Variants in PARN observed in about 807,000 individuals in gnomAD.
PARN encodes poly(A)-specific ribonuclease.
In PARN, 71 loss-of-function variants were observed where a neutral mutation model predicts 102.8. That is an observed-to-expected ratio of 0.69 (90% CI 0.57 to 0.84). The LOEUF is 0.84. Ranked by LOEUF, PARN falls within the 40% of genes least tolerant of loss-of-function variation. The pLI, the probability that PARN is intolerant of heterozygous loss-of-function variation, is 0.00. For missense variants in PARN, 782 were observed against 760.9 expected (o/e 1.03, Z -0.33); for synonymous variants, 261 against 252.9 (o/e 1.03, Z -0.30).
intron 21 of PARN, among the ~76,000 whole-genome samples, chr16:14,514,478 G>A (rs1031053221): frequency 2.0e-5 from 3 of 152,122 alleles, no homozygotes; most frequent in South Asian, 2.1e-4. Flanking sequence ...GAGCCACCAC[G>A]CCTGGCCAAG....
At chr16:14,573,583 T>C (rs990562257) in intron 18 of PARN, among the ~76,000 whole-genome samples, 1 of 152,248 alleles carries the variant, frequency 6.6e-6, no homozygotes, top group Non-Finnish European at 1.5e-5. Context: ...CGACGGAAGA[T>C]GATACGCTTT....
At chr16:14,563,749 CAGCAAATG>C (rs964652404) in intron 18 of PARN, among the ~76,000 whole-genome samples, 2 of 149,948 alleles carry the variant, frequency 1.3e-5, no homozygotes, top group African/African-American at 4.9e-5. Flanking sequence ...TAATCTCAAT[CAGCAAATG>C]AGGAACACTG....
chr16:14,458,913 G>C (rs142149882), intron 22 of PARN, among the ~76,000 whole-genome samples: 2 of 152,140 alleles, frequency 1.3e-5, no homozygotes, highest in Non-Finnish European at 2.9e-5. Flanking sequence ...TGACGAAATG[G>C]GGTAGCCATC....
intron 15 of PARN, 102 bp downstream of exon 15, chr16:14,584,647 C>T (rs1969734490): frequency 7.1e-6 from 6 of 841,958 alleles, no homozygotes; most frequent in South Asian, 1.5e-5. Flanking sequence ...TTTACAGATG[C>T]ATTAAATACC....
chr16:14,522,028 G>A lies in PARN; in HGVS notation c.1480+29993C>T, dbSNP rs557133164. Among the ~76,000 whole-genome samples the A allele has an allele frequency of 2.6e-5, 4 of 152,314 alleles. No individual in the cohort carries two copies. In the South Asian group the frequency reaches 8.3e-4, roughly 32 times the overall value. ...CTCCTTGTAGTCTAGGACTGCAGTA[G>A]GCTGTACCATATAGGTTTAAGTACA... On this transcript the variant is annotated intron_variant, in intron 21 of 23. Coordinates refer to ENST00000437198, the MANE Select transcript of PARN (RefSeq NM_002582.4).
intron 12 of PARN, among the ~76,000 whole-genome samples, chr16:14,599,299 T>G (rs927763694): frequency 6.6e-6 from 1 of 152,106 alleles, no homozygotes; most frequent in Non-Finnish European, 1.5e-5. Context: ...CTTATCGGCC[T>G]CCCGAAGTGC....
chr16:14,607,531 G>A (rs1458734598), intron 9 of PARN, among the ~76,000 whole-genome samples: 2 of 152,078 alleles, frequency 1.3e-5, no homozygotes, highest in African/African-American at 2.4e-5. Context: ...ATTGCACAGG[G>A]CATATAAAGA....
At chr16:14,617,715 G>C in intron 5 of PARN, 65 bp from the exon 6 acceptor site, 6 of 931,666 alleles carry the variant, frequency 6.4e-6, no homozygotes, top group Non-Finnish European at 1.1e-5. Flanking sequence ...AAGAGATGCA[G>C]AGAAGTAACT....
At chr16:14,531,699 G>A (rs549603696) in intron 21 of PARN, among the ~76,000 whole-genome samples, 12 of 152,126 alleles carry the variant, frequency 7.9e-5, no homozygotes, top group Non-Finnish European at 1.6e-4. Flanking sequence ...CTACACACAT[G>A]GGAAAGAGTG....
chr16:14,439,208 C>T (rs984614272), intron 23 of PARN, among the ~76,000 whole-genome samples: 1 of 151,920 alleles, frequency 6.6e-6, no homozygotes, highest in Non-Finnish European at 1.5e-5. Context: ...CCTGCCTCTA[C>T]AAAAAATTTA....
At chr16:14,629,802 G>C (rs1017773504) in intron 1 of PARN, 128 bp from the exon 2 acceptor site, 1 of 749,638 alleles carries the variant, frequency 1.3e-6, no homozygotes, top group Non-Finnish European at 2.3e-6. Flanking sequence ...GTGTGCACCG[G>C]GGCGAGGGGA....
At chr16:14,524,230 T>C (rs1472550275) in intron 21 of PARN, among the ~76,000 whole-genome samples, 1 of 152,206 alleles carries the variant, frequency 6.6e-6, no homozygotes, top group Non-Finnish European at 1.5e-5. Context: ...TACCTGGTTA[T>C]GACTTCTTTA....
intron 23 of PARN, among the ~76,000 whole-genome samples, chr16:14,443,973 C>T (rs1961075715): frequency 6.6e-6 from 1 of 152,130 alleles, no homozygotes. Context: ...CGAACCAGAC[C>T]TTCGCGGCTC....
chr16:14,443,221 G>C (rs1390603355), intron 23 of PARN, among the ~76,000 whole-genome samples: 1 of 152,086 alleles, frequency 6.6e-6, no homozygotes, highest in African/African-American at 2.4e-5. Context: ...TTTGTTATCT[G>C]GGATTGGGTC....
intron 22 of PARN, among the ~76,000 whole-genome samples, chr16:14,454,610 A>T (rs1248770642): frequency 6.6e-6 from 1 of 152,178 alleles, no homozygotes; most frequent in Admixed American, 6.5e-5. Flanking sequence ...TAAGAACAGA[A>T]ATGTGGTTTC....
At chr16:14,503,602 A>G (rs904546771) in intron 21 of PARN, among the ~76,000 whole-genome samples, 1 of 152,212 alleles carries the variant, frequency 6.6e-6, no homozygotes, top group Admixed American at 6.5e-5. Flanking sequence ...TTGCCCTACA[A>G]GTATTTCTTA....
intron 6 of PARN, among the ~76,000 whole-genome samples, chr16:14,614,530 A>G (rs1353521896): frequency 1.3e-5 from 2 of 152,162 alleles, no homozygotes; most frequent in South Asian, 2.1e-4. Flanking sequence ...AGCTGGTGAC[A>G]GCCTGAAAAT....
chr16:14,484,989 C>T (rs1026305539), intron 21 of PARN, among the ~76,000 whole-genome samples: 1 of 152,080 alleles, frequency 6.6e-6, no homozygotes, highest in African/African-American at 2.4e-5. Context: ...GAGGCCAAGG[C>T]GGGAGGATAA....
intron 23 of PARN, among the ~76,000 whole-genome samples, chr16:14,442,939 T>C (rs1961009911): frequency 6.6e-6 from 1 of 152,264 alleles, no homozygotes; most frequent in Non-Finnish European, 1.5e-5. Flanking sequence ...TAATTGTTTC[T>C]GATCTAGAAC....
Sources: allele counts gnomAD v4.1 joint callset (sites outside exome capture counted in the v4.1 genomes callset), GRCh38; gene constraint gnomAD v4.1.1; transcripts MANE v1.5; gene names NCBI Gene and HGNC (gene_info 2026-07-23, HGNC 2026-07-21).